EDN1: variants seen among roughly 807,000 people sequenced by gnomAD.
EDN1 encodes the protein endothelin-1.
A neutral mutation model predicts 21.7 loss-of-function variants in EDN1; 11 were observed. The observed-to-expected ratio is 0.51, with a 90% CI of 0.32 to 0.84. EDN1 has a LOEUF of 0.84. Among genes scored for constraint, EDN1 ranks in the 40% least tolerant of loss-of-function variants. The pLI, the probability that EDN1 is intolerant of heterozygous loss-of-function variation, is 0.03. For missense variants in EDN1, 244 were observed against 262.3 expected (o/e 0.93, Z 0.48); for synonymous variants, 85 against 90.6 (o/e 0.94, Z 0.35).
At chr6:12,238,171 CAAAAAAAA>C in the EDN1 span, among the ~76,000 whole-genome samples, 1 of 104,450 alleles carries the variant, frequency 9.6e-6, no homozygotes, top group Admixed American at 1.1e-4. Context: ...GACTCTATCT[CAAAAAAAA>C]AAAAAAAAAA....
chr6:12,290,714 G>C (rs774368663), intron 1 of EDN1, 21 bp downstream of exon 1: 1 of 1,604,390 alleles, frequency 6.2e-7, no homozygotes, highest in Non-Finnish European at 8.5e-7. Flanking sequence ...TCGTTGACTT[G>C]TAAGTCTCGG....
chr6:12,286,440 T>C (rs1199093282), upstream of EDN1, among the ~76,000 whole-genome samples: 1 of 152,232 alleles, frequency 6.6e-6, no homozygotes, highest in East Asian at 1.9e-4. Context: ...AAGTGCTACA[T>C]AGAGTAGAAA....
At chr6:12,232,619 T>C in the EDN1 span, among the ~76,000 whole-genome samples, 1 of 152,208 alleles carries the variant, frequency 6.6e-6, no homozygotes, top group Non-Finnish European at 1.5e-5. Flanking sequence ...GTTTCGTTAT[T>C]AGAAGGAAAA....
At chr6:12,275,955 G>A in the EDN1 span, among the ~76,000 whole-genome samples, 1 of 152,086 alleles carries the variant, frequency 6.6e-6, no homozygotes, top group Admixed American at 6.5e-5. Flanking sequence ...AAGGTCAGGA[G>A]ATCGAGACCA....
At chr6:12,287,712 T>TCTCTCTCTCA (rs1380647005), upstream of EDN1, among the ~76,000 whole-genome samples, 14 of 103,074 alleles carry the variant, frequency 1.4e-4, no homozygotes, top group Middle Eastern at 5.6e-3. Context: ...TCTCTCTCTC[T>TCTCTCTCTCA]CACACACACA....
chr6:12,278,562 C>T, the EDN1 span, among the ~76,000 whole-genome samples: 28 of 152,150 alleles, frequency 1.8e-4, no homozygotes, highest in African/African-American at 6.5e-4. Context: ...ATACATGTCG[C>T]ATTCATTCAA....
chr6:12,273,811 C>A, the EDN1 span, among the ~76,000 whole-genome samples: 1 of 151,968 alleles, frequency 6.6e-6, no homozygotes, highest in African/African-American at 2.4e-5. Context: ...TTCAGAGATA[C>A]TGGAGAATTA....
At chr6:12,278,134 C>T in the EDN1 span, among the ~76,000 whole-genome samples, 1 of 152,116 alleles carries the variant, frequency 6.6e-6, no homozygotes, top group South Asian at 2.1e-4. Flanking sequence ...CTTCTTTTCT[C>T]TTTAGTAAGA....
the EDN1 span, among the ~76,000 whole-genome samples, chr6:12,231,138 A>T: frequency 6.6e-6 from 1 of 152,246 alleles, no homozygotes; most frequent in Non-Finnish European, 1.5e-5. Context: ...TTAACAGCCC[A>T]GAACTGGCTG....
the EDN1 span, among the ~76,000 whole-genome samples, chr6:12,275,841 G>A: frequency 6.6e-6 from 1 of 151,626 alleles, no homozygotes; most frequent in Non-Finnish European, 1.5e-5. Context: ...ATGCATGCAT[G>A]CCCATTTGTA....
chr6:12,264,073 G>A, the EDN1 span, among the ~76,000 whole-genome samples: 1 of 152,176 alleles, frequency 6.6e-6, no homozygotes, highest in African/African-American at 2.4e-5. Flanking sequence ...AGAATGAAGA[G>A]TAATTCCTAA....
chr6:12,261,518 T>A, the EDN1 span, among the ~76,000 whole-genome samples: 1 of 152,134 alleles, frequency 6.6e-6, no homozygotes, highest in African/African-American at 2.4e-5. Flanking sequence ...AGGGCAGCTG[T>A]GGATGAATGG....
At chr6:12,243,070 C>T in the EDN1 span, among the ~76,000 whole-genome samples, 61 of 152,210 alleles carry the variant, frequency 4.0e-4, no homozygotes, top group Admixed American at 1.2e-3. Context: ...AGTAATAACC[C>T]GCTGTTGACC....
the EDN1 span, among the ~76,000 whole-genome samples, chr6:12,242,591 G>A: frequency 0.14 from 20,768 of 152,166 alleles, 1,560 homozygotes; most frequent in Middle Eastern, 0.28. Context: ...GGTATGTGGC[G>A]TAATTTATTT....
chr6:12,295,111 C>A (rs1203037752), intron 4 of EDN1, among the ~76,000 whole-genome samples: 1 of 151,890 alleles, frequency 6.6e-6, no homozygotes, highest in Non-Finnish European at 1.5e-5. Context: ...TTTTGGAATT[C>A]ACAAGCTCAA....
At chr6:12,263,207 A>G in the EDN1 span, among the ~76,000 whole-genome samples, 1 of 152,228 alleles carries the variant, frequency 6.6e-6, no homozygotes, top group African/African-American at 2.4e-5. Context: ...GGGAATCTCA[A>G]ATACTTTTAA....
chr6:12,296,359 G>GGAGAGA lies in EDN1; in HGVS notation c.*300_*305dup. 1 of 365,218 alleles carries GGAGAGA rather than the reference G, an allele frequency of 2.7e-6. No homozygotes were observed. 22.6% of individuals were successfully genotyped at this position (365,218 alleles called of 1,614,324 possible). A position where few individuals can be genotyped will look rare whatever the true frequency, so the allele number is the denominator to read the frequency against. The stretch of plus-strand genomic sequence containing the variant: ...CATTCGAATTCGGGTGGCATCCTCC[G>GGAGAGA]GAGAGAGAGAGAGGAAGGAGATTCC... On this transcript the variant is annotated 3_prime_UTR_variant, in exon 5 of 5. Coordinates refer to ENST00000379375, the MANE Select transcript of EDN1 (RefSeq NM_001955.5).
the EDN1 span, among the ~76,000 whole-genome samples, chr6:12,233,083 C>G: frequency 1.3e-5 from 2 of 152,148 alleles, no homozygotes; most frequent in Non-Finnish European, 2.9e-5. Flanking sequence ...TAAGTTTTCT[C>G]TTTTTTCTCT....
chr6:12,258,953 T>A, the EDN1 span, among the ~76,000 whole-genome samples: 1 of 152,160 alleles, frequency 6.6e-6, no homozygotes, highest in African/African-American at 2.4e-5. Context: ...ACATCAAATT[T>A]AAAAAATTAA....
Sources: allele counts gnomAD v4.1 joint callset (sites outside exome capture counted in the v4.1 genomes callset), GRCh38; gene constraint gnomAD v4.1.1; transcripts MANE v1.5; gene names NCBI Gene and HGNC (gene_info 2026-07-23, HGNC 2026-07-21).